The following SLC9C1 variants were observed in gnomAD, a reference collection of about 807,000 sequenced individuals.
The protein encoded by SLC9C1 is sodium/hydrogen exchanger 10.
Under a neutral mutation model 140.9 loss-of-function variants are expected in SLC9C1, and 97 were observed. The observed-to-expected ratio is 0.69, with a 90% confidence interval of 0.58 to 0.82. The LOEUF (loss-of-function observed/expected upper bound fraction) is 0.82, where lower values mean the gene tolerates loss of function less well. Ranked by LOEUF, SLC9C1 falls within the 40% of genes least tolerant of loss-of-function variation. The probability of loss-of-function intolerance (pLI) is 0.00; values close to 1 mark genes in which losing one functional copy is unlikely to be tolerated. For synonymous variants in SLC9C1, 440 were observed against 442.6 expected (o/e 0.99, Z 0.07); for missense variants, 1,340 against 1,389.3 (o/e 0.96, Z 0.56).
intron 13 of SLC9C1, among the ~76,000 whole-genome samples, chr3:112,225,682 C>T (rs914747618): frequency 6.6e-6 from 1 of 152,094 alleles, no homozygotes; most frequent in Non-Finnish European, 1.5e-5. Flanking sequence ...TAAAAACTCA[C>T]TTCACCTGTA....
chr3:112,232,333 G>C (rs2078850716), intron 12 of SLC9C1, among the ~76,000 whole-genome samples: 1 of 152,162 alleles, frequency 6.6e-6, no homozygotes, highest in African/African-American at 2.4e-5. Flanking sequence ...AAAATCTTCA[G>C]AGAGTAGGTG....
chr3:112,157,243 C>A (rs1043245382), intron 26 of SLC9C1, among the ~76,000 whole-genome samples: 2 of 151,908 alleles, frequency 1.3e-5, no homozygotes, highest in African/African-American at 4.8e-5. Context: ...ATATGGATGT[C>A]CAGTTTTTCT....
intron 17 of SLC9C1, 122 bp from the exon 18 acceptor site, chr3:112,202,521 A>AC (rs2077933082): frequency 4.4e-6 from 4 of 917,328 alleles, no homozygotes; most frequent in African/African-American, 3.4e-5. Flanking sequence ...AACTACAATA[A>AC]CCTGTCAAGG....
intron 26 of SLC9C1, among the ~76,000 whole-genome samples, chr3:112,160,375 T>TAA (rs2075258751): frequency 6.6e-6 from 1 of 151,602 alleles, no homozygotes; most frequent in South Asian, 2.1e-4. Flanking sequence ...ACCCACTAAC[T>TAA]TGTCATCTAG....
intron 15 of SLC9C1, 72 bp from the exon 16 acceptor site, chr3:112,208,445 G>A (rs2078115682): frequency 9.3e-7 from 1 of 1,076,998 alleles, no homozygotes; most frequent in African/African-American, 1.6e-5. Context: ...ACTCATTTCT[G>A]TTCTACTTAT....
chr3:112,196,902 AT>A (rs759364459), intron 20 of SLC9C1, among the ~76,000 whole-genome samples: 47 of 147,746 alleles, frequency 3.2e-4, no homozygotes, highest in Non-Finnish European at 5.6e-4. Flanking sequence ...CTGTTGTTTT[AT>A]TTTTTTCTTT....
chr3:112,155,729 G>T (rs1329341494), intron 26 of SLC9C1, among the ~76,000 whole-genome samples: 1 of 152,132 alleles, frequency 6.6e-6, no homozygotes, highest in African/African-American at 2.4e-5. Flanking sequence ...GTTTGGTATG[G>T]CTAGGTTTTA....
chr3:112,277,987 A>C (rs2080261967), intron 4 of SLC9C1, 127 bp from the exon 5 acceptor site: 2 of 679,844 alleles, frequency 2.9e-6, no homozygotes, highest in African/African-American at 1.9e-5. Flanking sequence ...CAGACACAGG[A>C]GTGGGGCCAT....
chr3:112,205,270 A>G (rs983690862), intron 16 of SLC9C1, among the ~76,000 whole-genome samples: 8 of 152,162 alleles, frequency 5.3e-5, no homozygotes, highest in Non-Finnish European at 8.8e-5. Flanking sequence ...AGTCAAACAG[A>G]GAGCCAAATC....
intron 16 of SLC9C1, among the ~76,000 whole-genome samples, chr3:112,205,102 A>G (rs112544036): frequency 6.6e-6 from 1 of 151,922 alleles, no homozygotes; most frequent in Non-Finnish European, 1.5e-5. Flanking sequence ...GGAAAAAAGG[A>G]AGTCAATTTG....
At chr3:112,194,550 C>T (rs1326597868) in intron 20 of SLC9C1, among the ~76,000 whole-genome samples, 1 of 152,202 alleles carries the variant, frequency 6.6e-6, no homozygotes, top group African/African-American at 2.4e-5. Flanking sequence ...AATTAATTGG[C>T]TTCTACATTT....
chr3:112,255,863 T>C (rs1009619003), intron 10 of SLC9C1, among the ~76,000 whole-genome samples: 13 of 151,674 alleles, frequency 8.6e-5, no homozygotes, highest in African/African-American at 3.1e-4. Flanking sequence ...GAAGAGAACA[T>C]TCAAATAAGC....
intron 11 of SLC9C1, among the ~76,000 whole-genome samples, chr3:112,241,092 C>T (rs2079127814): frequency 6.6e-6 from 1 of 151,948 alleles, no homozygotes; most frequent in African/African-American, 2.4e-5. Context: ...TCAATAATAC[C>T]TTTACATTTT....
intron 20 of SLC9C1, among the ~76,000 whole-genome samples, chr3:112,196,144 T>C (rs1366214283): frequency 6.6e-6 from 1 of 152,074 alleles, no homozygotes; most frequent in African/African-American, 2.4e-5. Context: ...TCCTTTACAT[T>C]TGAAGTACAA....
chr3:112,200,868 G>T, intron 18 of SLC9C1, 106 bp from the exon 19 acceptor site: 1 of 965,592 alleles, frequency 1.0e-6, no homozygotes, highest in Non-Finnish European at 1.5e-6. Flanking sequence ...AGTTTTAAGA[G>T]AAGTAGGATG....
At chr3:112,269,170 T>C (rs1417349525) in intron 7 of SLC9C1, among the ~76,000 whole-genome samples, 3 of 152,118 alleles carry the variant, frequency 2.0e-5, no homozygotes, top group Non-Finnish European at 4.4e-5. Context: ...CGGGCTGGAG[T>C]GCGATCATAG....
chr3:112,257,375 G>C (rs1396282754), intron 10 of SLC9C1, among the ~76,000 whole-genome samples: 2 of 152,054 alleles, frequency 1.3e-5, no homozygotes, highest in Non-Finnish European at 1.5e-5. Flanking sequence ...GAGTAGAAGA[G>C]AGGGCCCAGA....
intron 18 of SLC9C1, among the ~76,000 whole-genome samples, chr3:112,201,975 T>C (rs902632474): frequency 6.6e-6 from 1 of 152,040 alleles, no homozygotes; most frequent in Non-Finnish European, 1.5e-5. Context: ...AGAGCTTGCA[T>C]TGGGAGAAAG....
chr3:112,239,794 T>A, intron 12 of SLC9C1, 46 bp downstream of exon 12: 11 of 1,482,680 alleles, frequency 7.4e-6, no homozygotes, highest in Non-Finnish European at 1.0e-5. Context: ...TACTTCAGTA[T>A]AATCAAATCT....
Sources: allele counts gnomAD v4.1 joint callset (sites outside exome capture counted in the v4.1 genomes callset), GRCh38; gene constraint gnomAD v4.1.1; transcripts MANE v1.5; gene names NCBI Gene and HGNC (gene_info 2026-07-23, HGNC 2026-07-21).